ADGB: variants seen among roughly 807,000 people sequenced by gnomAD.
ADGB encodes calpain-7-like protein.
ADGB carries 172 observed loss-of-function variants against 210.5 expected under a neutral mutation model. That is an observed-to-expected ratio of 0.82 (90% CI 0.72 to 0.93). ADGB has a LOEUF of 0.93. Ranked by LOEUF, ADGB falls within the 40% of genes least tolerant of loss-of-function variation. The pLI, the probability that ADGB is intolerant of heterozygous loss-of-function variation, is 0.00. For synonymous variants in ADGB, 658 were observed against 662.7 expected (o/e 0.99, Z 0.11); for missense variants, 2,025 against 1,964.8 (o/e 1.03, Z -0.58).
Position 146,752,715 on chromosome 6 carries a change from G to GT in ADGB, c.3550+2dup. On this transcript the variant is annotated splice_donor_variant, in intron 27 of 35. Coordinates refer to ENST00000397944, the MANE Select transcript of ADGB (RefSeq NM_024694.4). LOFTEE classifies it high-confidence loss of function. ...AGTGAGAAAGGTTTGAGCTCCCAGT[G>GT]TAAGTGTACCTTTATGAACAGGATA... The GT allele has an allele frequency of 1.3e-6, 2 of 1,547,456 alleles. No individual in the cohort carries two copies. The highest frequency in any genetic ancestry group is 1.7e-6 in the Non-Finnish European group (2 of 1,145,080).
intron 3 of ADGB, among the ~76,000 whole-genome samples, chr6:146,651,353 C>T (rs967883591): frequency 7.2e-5 from 11 of 152,158 alleles, no homozygotes; most frequent in Non-Finnish European, 1.3e-4. Flanking sequence ...AATTAGTAAC[C>T]GACTCAAATT....
At chr6:146,600,327 C>T (rs930841622) in intron 1 of ADGB, 6 of 261,808 alleles carry the variant, frequency 2.3e-5, no homozygotes, top group Non-Finnish European at 4.9e-5. Flanking sequence ...GCTTCCATTC[C>T]TCTAGGTCCA....
intron 17 of ADGB, among the ~76,000 whole-genome samples, chr6:146,722,645 C>A (rs1258200737): frequency 6.6e-6 from 1 of 152,172 alleles, no homozygotes; most frequent in East Asian, 1.9e-4. Flanking sequence ...CTATTGCAAA[C>A]CCTCAAACAT....
chr6:146,746,035 C>A lies in ADGB; in HGVS notation c.3291C>A (p.Asp1097Glu), dbSNP rs1326151450. ...CTCCACTGCCATGCCTCTCTCGAGACTCTCCATGCAATTCCTTTGCCATAA... is the reference window on the plus strand; with the variant it reads ...CTCCACTGCCATGCCTCTCTCGAGAATCTCCATGCAATTCCTTTGCCATAA... ...SSAPLPCLSR[D>E]SPCNSFAIKE... The change falls in exon 26 of 36, where the codon GAC (aspartate) becomes GAA (glutamate). Residue 1097 changes from aspartate (D) to glutamate (E), a missense_variant. Asp to Glu is a conservative substitution (Grantham distance 45). Coordinates refer to ENST00000397944, the MANE Select transcript of ADGB (RefSeq NM_024694.4). The A allele has an allele frequency of 1.3e-6, 2 of 1,551,256 alleles. No homozygotes were observed. Among genetic ancestry groups the A allele is most frequent in the South Asian group, 1.2e-5 (1 of 84,030 alleles).
At chr6:146,684,790 C>T (rs74917261) in intron 9 of ADGB, among the ~76,000 whole-genome samples, 3,748 of 151,984 alleles carry the variant, frequency 0.025, 164 homozygotes, top group African/African-American at 0.084. Flanking sequence ...TAGATGATAA[C>T]TAACATCATC....
chr6:146,804,281 A>G (rs1778178302), intron 35 of ADGB, among the ~76,000 whole-genome samples: 1 of 152,082 alleles, frequency 6.6e-6, no homozygotes, highest in African/African-American at 2.4e-5. Flanking sequence ...ACACTCCTAC[A>G]CATCCCCAAA....
intron 29 of ADGB, among the ~76,000 whole-genome samples, chr6:146,771,615 C>T (rs1046490779): frequency 6.6e-6 from 1 of 152,092 alleles, no homozygotes; most frequent in East Asian, 1.9e-4. Flanking sequence ...TTAACAGAAA[C>T]CTGTTTGAAA....
At chr6:146,717,742 AATCCTT>A (rs1776756001) in intron 16 of ADGB, 143 bp downstream of exon 16, 1 of 441,652 alleles carries the variant, frequency 2.3e-6, no homozygotes. Context: ...GTCTCTCACT[AATCCTT>A]ATCCAAGCAA....
At position 146,746,183 on chromosome 6, in the gene ADGB, C is replaced by T. The variant is rs1027557623; in HGVS notation, c.3365+74C>T. Reference sequence around the variant, plus strand: ...TATTTTAGGATAAAAATAAATTCTGCAGTAAAATCCTGAGTCGGTTTTGAA... The same window carrying T: ...TATTTTAGGATAAAAATAAATTCTGTAGTAAAATCCTGAGTCGGTTTTGAA... On this transcript the variant is annotated intron_variant, in intron 26 of 35. Transcript: ENST00000397944. 27 of 1,088,928 alleles carry T rather than the reference C, an allele frequency of 2.5e-5. No individual in the cohort carries two copies. In the African/African-American group the frequency reaches 3.5e-4, roughly 14 times the overall value. 67.5% of individuals were successfully genotyped at this position (1,088,928 alleles called of 1,614,324 possible).
intron 14 of ADGB, among the ~76,000 whole-genome samples, chr6:146,715,928 C>T (rs1210216547): frequency 1.3e-5 from 2 of 151,382 alleles, no homozygotes; most frequent in African/African-American, 2.4e-5. Flanking sequence ...ATTAGCAGGG[C>T]ATGGTGGTGT....
chr6:146,628,120 G>A (rs930137922), intron 1 of ADGB, among the ~76,000 whole-genome samples: 1 of 152,016 alleles, frequency 6.6e-6, no homozygotes, highest in Non-Finnish European at 1.5e-5. Context: ...AGATTTTAAA[G>A]TCGTTTTTAC....
chr6:146,786,888 C>T (rs754577926), intron 32 of ADGB, among the ~76,000 whole-genome samples: 4 of 152,098 alleles, frequency 2.6e-5, no homozygotes, highest in Non-Finnish European at 5.9e-5. Flanking sequence ...TAGGGGAAGT[C>T]TCCCCTACTT....
intron 2 of ADGB, among the ~76,000 whole-genome samples, chr6:146,637,692 A>C (rs1268789734): frequency 6.6e-6 from 1 of 152,018 alleles, no homozygotes; most frequent in Non-Finnish European, 1.5e-5. Context: ...TGCCTGCCAA[A>C]AGGAAATAAA....
intron 3 of ADGB, among the ~76,000 whole-genome samples, chr6:146,646,307 T>A (rs571404840): frequency 1.3e-5 from 2 of 152,216 alleles, no homozygotes; most frequent in Admixed American, 1.3e-4. Flanking sequence ...CAGGCCATCA[T>A]GTTCTTTGGT....
chr6:146,762,774 T>TAA (rs1777513338), intron 27 of ADGB, among the ~76,000 whole-genome samples: 1 of 152,138 alleles, frequency 6.6e-6, no homozygotes, highest in East Asian at 1.9e-4. Context: ...TGGCCTTTCT[T>TAA]GGGTCTCAAC....
intron 33 of ADGB, among the ~76,000 whole-genome samples, chr6:146,796,738 T>G (rs368989829): frequency 1.3e-5 from 2 of 152,008 alleles, no homozygotes; most frequent in African/African-American, 4.8e-5. Context: ...GACTTAAATC[T>G]AAGACCAGAA....
Position 146,672,257 on chromosome 6 carries a change from G to T in ADGB, c.877G>T (p.Glu293Ter), listed in dbSNP as rs774246786. The change falls in exon 8 of 36, where the codon GAA (glutamate) becomes TAA (stop). Residue 293 changes from glutamate to a stop codon, truncating the protein, a stop_gained. Transcript: ENST00000397944. LOFTEE classifies it high-confidence loss of function. ...YMDKVWELLK[E>*]ILPEFKLSDE... is the part of the protein sequence containing the mutation. ...GGACAAAGTTTGGGAGCTCCTGAAA[G>T]AAATATTGCCTGAGTTTAAGCTGTC... 30 of 1,545,292 alleles carry T rather than the reference G, an allele frequency of 1.9e-5. No individual in the cohort carries two copies. The South Asian group carries it at 3.0e-4, about 16-fold the overall frequency.
chr6:146,667,804 C>T (rs1340995), intron 7 of ADGB, among the ~76,000 whole-genome samples: 5,255 of 152,024 alleles, frequency 0.035, 301 homozygotes, highest in African/African-American at 0.12. Context: ...TAGTATATTA[C>T]TTCTCGTTTA....
chr6:146,763,568 C>T (rs933246492), intron 27 of ADGB, among the ~76,000 whole-genome samples: 3 of 152,132 alleles, frequency 2.0e-5, no homozygotes, highest in Non-Finnish European at 4.4e-5. Flanking sequence ...AGTGTGATAA[C>T]ATACATATGT....
Sources: gnomAD v4.1 joint callset for allele counts (sites outside exome capture counted in the v4.1 genomes callset) on GRCh38, gnomAD v4.1.1 for gene constraint, MANE v1.5 for transcripts, NCBI Gene and HGNC (gene_info 2026-07-23, HGNC 2026-07-21) for gene names.